PCDHGA1: variants seen among roughly 807,000 people sequenced by gnomAD.
PCDHGA1 encodes the protein protocadherin gamma subfamily A, 1.
PCDHGA1 carries 32 observed loss-of-function variants against 58.0 expected under a neutral mutation model. The ratio of observed to expected loss-of-function variants is 0.55; its 90% CI spans 0.42 to 0.74. The LOEUF is 0.74. PCDHGA1 is among the 30% of genes least tolerant of loss of function. The probability of loss-of-function intolerance (pLI) is 0.00; values close to 1 mark genes in which losing one functional copy is unlikely to be tolerated. For missense variants in PCDHGA1, 1,205 were observed against 1,182.3 expected, an observed-to-expected ratio of 1.02 and a Z score of -0.28; for synonymous variants, 498 against 501.1, an observed-to-expected ratio of 0.99 and a Z score of 0.08.
At chr5:141,365,447 G>C in intron 1 of PCDHGA1, 2 of 1,614,034 alleles carry the variant, frequency 1.2e-6, no homozygotes, top group Non-Finnish European at 1.7e-6. Flanking sequence ...TAGCGTACAT[G>C]ATGGTGATTC....
At chr5:141,414,338 G>C in intron 1 of PCDHGA1, 1 of 1,613,832 alleles carries the variant, frequency 6.2e-7, no homozygotes, top group Non-Finnish European at 8.5e-7. Context: ...CAGGTAACCT[G>C]TTCCATTTTG....
rs751692866 is a variant in PCDHGA1 at position 141,356,729 on chromosome 5, A to G, written c.2421+23624A>G. The stretch of plus-strand genomic sequence containing the variant: ...TCCTCCTATGTCTCCATCAACTCCA[A>G]TACAGGGATCCTATATGCTCTTTGC... On this transcript the variant is annotated intron_variant, in intron 1 of 3. Transcript: ENST00000517417. 14 of 1,613,954 alleles carry G rather than the reference A, an allele frequency of 8.7e-6. No individual in the cohort carries two copies. Among genetic ancestry groups the G allele is most frequent in the Non-Finnish European group, 1.0e-5 (12 of 1,179,864 alleles).
chr5:141,375,347 G>C, intron 1 of PCDHGA1: 2 of 1,613,852 alleles, frequency 1.2e-6, no homozygotes, highest in Non-Finnish European at 1.7e-6. Flanking sequence ...CAACATCACT[G>C]TGACAGCCAC....
At chr5:141,340,229 A>C (rs139578724) in intron 1 of PCDHGA1, 3 of 1,614,162 alleles carry the variant, frequency 1.9e-6, no homozygotes, top group Non-Finnish European at 2.5e-6. Flanking sequence ...CTTTTACAAC[A>C]TCACTCTAAC....
intron 1 of PCDHGA1, chr5:141,478,509 G>A: frequency 1.2e-6 from 2 of 1,611,878 alleles, no homozygotes; most frequent in South Asian, 1.1e-5. Flanking sequence ...GTGTTCTATA[G>A]GCAGGTGTTG....
At chr5:141,478,940 T>C in intron 1 of PCDHGA1, 2 of 584,636 alleles carry the variant, frequency 3.4e-6, no homozygotes, top group South Asian at 2.7e-5. Flanking sequence ...CTTCTAGGAA[T>C]ACAAAAACTA....
chr5:141,508,334 C>T (rs1323577321), intron 3 of PCDHGA1: 2 of 151,150 alleles, frequency 1.3e-5, no homozygotes, highest in African/African-American at 4.9e-5. Flanking sequence ...GGAGAACTGA[C>T]TCTACAGAAA....
chr5:141,400,694 C>G, intron 1 of PCDHGA1: 2 of 763,776 alleles, frequency 2.6e-6, no homozygotes, highest in Non-Finnish European at 4.2e-6. Flanking sequence ...GTTTTTATGT[C>G]GCATAAAAGA....
chr5:141,350,009 C>A, intron 1 of PCDHGA1: 1 of 354,652 alleles, frequency 2.8e-6, no homozygotes. Context: ...AAGCTGGGCC[C>A]TGTGCAGTTT....
intron 1 of PCDHGA1, chr5:141,341,490 G>A: frequency 6.4e-7 from 1 of 1,567,256 alleles, no homozygotes; most frequent in Non-Finnish European, 8.6e-7. Flanking sequence ...ATATTTCCTT[G>A]AGGGTAGAGT....
At chr5:141,449,021 C>T (rs897401758) in intron 1 of PCDHGA1, among the ~76,000 whole-genome samples, 3 of 152,104 alleles carry the variant, frequency 2.0e-5, no homozygotes, top group Non-Finnish European at 4.4e-5. Context: ...AGTTGCTTAG[C>T]ATTCCTTTGG....
rs1261844223 is a variant in PCDHGA1 at position 141,334,987 on chromosome 5, G to A, written c.2421+1882G>A. ...CAAAATTTCAAAACACACTTGTCTC[G>A]TAGAATTTATTGTTACTAGTGAGAA... On this transcript the variant is annotated intron_variant, in intron 1 of 3. Coordinates refer to ENST00000517417, the MANE Select transcript of PCDHGA1 (RefSeq NM_018912.3). This position sits in a 1 kb window ranked among gnomAD's most constrained non-coding sequence, Gnocchi z 4.6. 1.3e-5 allele frequency among the ~76,000 whole-genome samples: 2 copies of A among 152,164 alleles called. No homozygotes were observed. Among genetic ancestry groups the A allele is most frequent in the African/African-American group, 2.4e-5 (1 of 41,428 alleles).
chr5:141,383,360 T>A (rs1319923403), intron 1 of PCDHGA1: 1 of 1,613,888 alleles, frequency 6.2e-7, no homozygotes, highest in Non-Finnish European at 8.5e-7. Flanking sequence ...CGGTTTCCGT[T>A]AAGCGAGGCT....
At chr5:141,363,598 C>T (rs147406572) in intron 1 of PCDHGA1, among the ~76,000 whole-genome samples, 4 of 152,298 alleles carry the variant, frequency 2.6e-5, no homozygotes, top group African/African-American at 7.2e-5. Context: ...CCAACTCAAA[C>T]GCTGTCTGAG....
chr5:141,459,139 A>G (rs1592605909), intron 1 of PCDHGA1, among the ~76,000 whole-genome samples: 1 of 152,360 alleles, frequency 6.6e-6, no homozygotes, highest in Non-Finnish European at 1.5e-5. Flanking sequence ...ACCACCATGC[A>G]ATCAAAATAT....
At position 141,486,141 on chromosome 5, in the gene PCDHGA1, G is replaced by A. The variant is rs369317501; in HGVS notation, c.2422-8666G>A. 28 of 1,614,066 alleles carry A rather than the reference G, an allele frequency of 1.7e-5. No homozygotes were observed. The highest frequency in any genetic ancestry group is 2.3e-5 in the Non-Finnish European group (27 of 1,180,044). On this transcript the variant is annotated intron_variant, in intron 1 of 3. Transcript: ENST00000517417. This position sits in a 1 kb window ranked among gnomAD's most constrained non-coding sequence, Gnocchi z 5.0. ...TACTATGAATTTGATGTGCGGGCTC[G>A]CGATGGGGGTTCTCCAGCCATGGAG...
rs113065470 is a variant in PCDHGA1 at position 141,401,000 on chromosome 5, C to A, written c.2421+67895C>A. 4.1e-3 allele frequency among the ~76,000 whole-genome samples: 629 copies of A among 152,216 alleles called. 6 individuals are homozygous for A. The highest frequency in any genetic ancestry group is 0.014 in the African/African-American group (590 of 41,530). On this transcript the variant is annotated intron_variant, in intron 1 of 3. Coordinates refer to ENST00000517417, the MANE Select transcript of PCDHGA1 (RefSeq NM_018912.3). ...TGTTCCTCATATATGCTTTCTTATT[C>A]CTACCTAATGGATTTATGATTTTTT...
chr5:141,395,038 G>A lies in PCDHGA1; in HGVS notation c.2421+61933G>A, dbSNP rs762482437. On this transcript the variant is annotated intron_variant, in intron 1 of 3. Transcript: ENST00000517417. Reference sequence around the variant, plus strand: ...GGCGTGCCTGCCTCACATTTTGTGGGTGTTGAGGAGGTACAGGCTTTCCTG... The same window carrying A: ...GGCGTGCCTGCCTCACATTTTGTGGATGTTGAGGAGGTACAGGCTTTCCTG... 5.3e-5 allele frequency: 85 copies of A among 1,614,150 alleles called. 1 individual carries two copies. Among genetic ancestry groups the A allele is most frequent in the Non-Finnish European group, 7.1e-5 (84 of 1,180,034 alleles).
In PCDHGA1 at chr5:141,432,976, C is replaced by A. The variant is rs373558125; in HGVS notation, c.2422-61831C>A. The stretch of plus-strand genomic sequence containing the variant: ...GCTTGACAGGAGCGCCGGCGTCGCA[C>A]TTTGTGGGCGTGGACGGGGTGCAGG... On this transcript the variant is annotated intron_variant, in intron 1 of 3. Coordinates refer to ENST00000517417, the MANE Select transcript of PCDHGA1 (RefSeq NM_018912.3). This position sits in a 1 kb window ranked among gnomAD's most constrained non-coding sequence, Gnocchi z 6.0. 1 of 1,614,210 alleles carries A rather than the reference C, an allele frequency of 6.2e-7. No individual in the cohort carries two copies.
Sources: gnomAD v4.1 joint callset for allele counts (sites outside exome capture counted in the v4.1 genomes callset) on GRCh38, gnomAD v4.1.1 for gene constraint, Gnocchi (gnomAD v3.1) non-coding constraint, MANE v1.5 for transcripts, NCBI Gene and HGNC (gene_info 2026-07-23, HGNC 2026-07-21) for gene names.